Variants in INPP4B observed in about 807,000 individuals in gnomAD.
INPP4B encodes the protein inositol polyphosphate-4-phosphatase type II B.
Under a neutral mutation model 122.5 loss-of-function variants are expected in INPP4B, and 55 were observed. The ratio of observed to expected loss-of-function variants is 0.45; its 90% confidence interval spans 0.36 to 0.56. The LOEUF is 0.56. Among genes scored for constraint, INPP4B ranks in the 20% least tolerant of loss-of-function variants. The probability of loss-of-function intolerance (pLI) is 0.00; values close to 1 mark genes in which losing one functional copy is unlikely to be tolerated. For synonymous variants in INPP4B, 403 were observed against 388.7 expected (o/e 1.04, Z -0.43); for missense variants, 1,000 against 1,097.7 (o/e 0.91, Z 1.26).
At chr4:142,410,205 G>A (rs368694173) in intron 5 of INPP4B, among the ~76,000 whole-genome samples, 50 of 152,262 alleles carry the variant, frequency 3.3e-4, no homozygotes, top group African/African-American at 7.0e-4. Context: ...AACACTGCTC[G>A]AATTCAAGTA....
chr4:142,235,464 G>GAGGCTGGAGTGC (rs1337486579), intron 12 of INPP4B, among the ~76,000 whole-genome samples: 1 of 151,686 alleles, frequency 6.6e-6, no homozygotes, highest in Non-Finnish European at 1.5e-5. Flanking sequence ...CTCTGTCGCC[G>GAGGCTGGAGTGC]AGGCTGGAGT....
At chr4:142,182,416 CA>C (rs1472027139) in intron 15 of INPP4B, among the ~76,000 whole-genome samples, 1 of 151,644 alleles carries the variant, frequency 6.6e-6, no homozygotes, top group Non-Finnish European at 1.5e-5. Context: ...GGCGTGGTGG[CA>C]GGTGCCTGTA....
intron 2 of INPP4B, among the ~76,000 whole-genome samples, chr4:142,485,249 C>T (rs898072075): frequency 1.2e-4 from 19 of 152,090 alleles, no homozygotes; most frequent in Admixed American, 1.2e-3. Flanking sequence ...TTCATTTAAA[C>T]CTTTTTAGGA....
intron 2 of INPP4B, among the ~76,000 whole-genome samples, chr4:142,504,278 G>A (rs904044158): frequency 6.6e-6 from 1 of 151,936 alleles, no homozygotes; most frequent in Non-Finnish European, 1.5e-5. Context: ...TACCAAGAGG[G>A]AAATTCAAAT....
chr4:142,591,407 T>A lies in INPP4B; in HGVS notation c.-190-128681A>T, dbSNP rs958700147. On this transcript the variant is annotated intron_variant, in intron 2 of 25. Coordinates refer to ENST00000262992, the MANE Select transcript of INPP4B (RefSeq NM_001101669.3). ...AGCAACTAAATAAATAGAGCAATAA[T>A]AGATTATAACCCAAAGTATAAAATA... Among the ~76,000 whole-genome samples, 4 of 152,228 alleles carry A rather than the reference T, an allele frequency of 2.6e-5. No individual in the cohort carries two copies. The East Asian group carries it at 7.7e-4, about 29-fold the overall frequency.
intron 17 of INPP4B, among the ~76,000 whole-genome samples, chr4:142,148,055 C>A (rs1811749571): frequency 6.6e-6 from 1 of 152,126 alleles, no homozygotes; most frequent in African/African-American, 2.4e-5. Flanking sequence ...GAATCACTAC[C>A]ACCGACTGCA....
chr4:142,740,325 A>G (rs1767718697), intron 1 of INPP4B, among the ~76,000 whole-genome samples: 1 of 152,076 alleles, frequency 6.6e-6, no homozygotes, highest in Non-Finnish European at 1.5e-5. Context: ...AATAAAAACT[A>G]CATTGTGCTC....
chr4:142,760,113 T>A (rs900257549), intron 1 of INPP4B, among the ~76,000 whole-genome samples: 2 of 152,102 alleles, frequency 1.3e-5, no homozygotes, highest in African/African-American at 4.8e-5. Flanking sequence ...CCAAGATCTG[T>A]CAGTGCAGTC....
At chr4:142,131,454 T>C (rs186857559) in intron 18 of INPP4B, among the ~76,000 whole-genome samples, 8 of 152,038 alleles carry the variant, frequency 5.3e-5, no homozygotes, top group African/African-American at 1.7e-4. Context: ...GACCATGGAA[T>C]ATAGTACATC....
intron 1 of INPP4B, among the ~76,000 whole-genome samples, chr4:142,734,875 C>A (rs919064154): frequency 6.6e-6 from 1 of 152,138 alleles, no homozygotes; most frequent in African/African-American, 2.4e-5. Flanking sequence ...AAACTCCTAA[C>A]CTCAGATGAT....
At chr4:142,628,414 G>C (rs1233311861) in intron 2 of INPP4B, among the ~76,000 whole-genome samples, 8 of 72,788 alleles carry the variant, frequency 1.1e-4, no homozygotes, top group Non-Finnish European at 2.0e-4. Context: ...ACTGTTGTGG[G>C]GTGGGGGGAG....
intron 24 of INPP4B, among the ~76,000 whole-genome samples, chr4:142,082,849 G>A (rs557874757): frequency 2.0e-4 from 30 of 152,246 alleles, no homozygotes; most frequent in Admixed American, 1.4e-3. Flanking sequence ...CACAGGGGCC[G>A]GGCACAGCGG....
chr4:142,634,772 CT>C, intron 2 of INPP4B, among the ~76,000 whole-genome samples: 1 of 152,062 alleles, frequency 6.6e-6, no homozygotes, highest in Middle Eastern at 3.4e-3. Flanking sequence ...AATACAACCA[CT>C]ATTACCATTT....
intron 2 of INPP4B, among the ~76,000 whole-genome samples, chr4:142,558,449 C>A (rs759008829): frequency 6.6e-6 from 1 of 151,532 alleles, no homozygotes; most frequent in Non-Finnish European, 1.5e-5. Context: ...AAGACAAAAA[C>A]CAAAAGTTAG....
intron 2 of INPP4B, among the ~76,000 whole-genome samples, chr4:142,526,945 A>T (rs1244088631): frequency 6.6e-6 from 1 of 152,094 alleles, no homozygotes; most frequent in Non-Finnish European, 1.5e-5. Flanking sequence ...TAGACAGATA[A>T]TGCTGTCTGT....
rs58333696 is a variant in INPP4B, at chr4:142,516,704, G to A, written c.-190-53978C>T. ...CATTGCTCTGTGCCCTGGAGCCTGTGTGGACAGAATCAGTTAGAGGTGAAA... is the reference window on the plus strand; with the variant it reads ...CATTGCTCTGTGCCCTGGAGCCTGTATGGACAGAATCAGTTAGAGGTGAAA... On this transcript the variant is annotated intron_variant, in intron 2 of 25. Coordinates refer to ENST00000262992, the MANE Select transcript of INPP4B (RefSeq NM_001101669.3). Among the ~76,000 whole-genome samples the A allele has an allele frequency of 9.7e-3, 1,482 of 152,036 alleles. 17 individuals are homozygous for A. The highest frequency in any genetic ancestry group is 0.033 in the African/African-American group (1,378 of 41,470).
chr4:142,448,299 C>T (rs554616945), intron 3 of INPP4B, among the ~76,000 whole-genome samples: 2 of 138,762 alleles, frequency 1.4e-5, no homozygotes, highest in South Asian at 4.5e-4. Flanking sequence ...ATATAAAGTG[C>T]CGAATCAATT....
intron 3 of INPP4B, among the ~76,000 whole-genome samples, chr4:142,454,101 C>A (rs764106727): frequency 2.0e-5 from 3 of 151,982 alleles, no homozygotes; most frequent in Non-Finnish European, 4.4e-5. Context: ...CTGAAAAAAA[C>A]AACATGTGTA....
chr4:142,157,528 GA>G (rs1337981075), intron 17 of INPP4B, among the ~76,000 whole-genome samples: 3 of 152,110 alleles, frequency 2.0e-5, no homozygotes, highest in Non-Finnish European at 4.4e-5. Flanking sequence ...AATGAGTTCA[GA>G]AGGAGGCTTA....
Sources: allele counts gnomAD v4.1 joint callset (sites outside exome capture counted in the v4.1 genomes callset), GRCh38; gene constraint gnomAD v4.1.1; transcripts MANE v1.5; gene names NCBI Gene and HGNC (gene_info 2026-07-23, HGNC 2026-07-21).